The following CNTN5 variants were observed in gnomAD, a reference collection of about 807,000 sequenced individuals.
The protein encoded by CNTN5 is contactin 5, also known as contactin-5.
CNTN5 carries 77 observed loss-of-function variants against 129.1 expected under a neutral mutation model. That is an observed-to-expected ratio of 0.60 (90% CI 0.50 to 0.72). The LOEUF (loss-of-function observed/expected upper bound fraction) is 0.72. CNTN5 is among the 30% of genes least tolerant of loss of function. CNTN5 has a pLI of 0.00. For missense variants in CNTN5, 1,478 were observed against 1,328.8 expected (o/e 1.11, Z -1.75); for synonymous variants, 509 against 465.6 (o/e 1.09, Z -1.20).
At chr11:99,893,305 A>G (rs1047484825) in intron 6 of CNTN5, among the ~76,000 whole-genome samples, 2 of 152,210 alleles carry the variant, frequency 1.3e-5, no homozygotes, top group Admixed American at 6.6e-5. Context: ...CTTATTTGTC[A>G]TTACTATCAT....
intron 1 of CNTN5, among the ~76,000 whole-genome samples, chr11:99,317,619 A>C (rs890699075): frequency 6.6e-6 from 1 of 152,122 alleles, no homozygotes; most frequent in African/African-American, 2.4e-5. Flanking sequence ...CTAGAGAATC[A>C]AGGTCCTGAA....
At chr11:99,891,226 G>A (rs1354721067) in intron 6 of CNTN5, among the ~76,000 whole-genome samples, 1 of 151,752 alleles carries the variant, frequency 6.6e-6, no homozygotes, top group Admixed American at 6.6e-5. Context: ...TCTGGATGTG[G>A]GTATATGGGG....
chr11:99,896,064 A>G (rs1949197960), intron 6 of CNTN5, among the ~76,000 whole-genome samples: 1 of 152,144 alleles, frequency 6.6e-6, no homozygotes, highest in African/African-American at 2.4e-5. Context: ...TAACTCCCAG[A>G]GGTAGCTAAC....
intron 9 of CNTN5, among the ~76,000 whole-genome samples, chr11:100,019,728 T>C (rs1941027398): frequency 2.6e-5 from 4 of 152,030 alleles, no homozygotes; most frequent in Admixed American, 2.0e-4. Flanking sequence ...TTGGATCATA[T>C]AGTGGTTTTA....
intron 3 of CNTN5, among the ~76,000 whole-genome samples, chr11:99,642,816 C>A (rs1479627185): frequency 6.6e-6 from 1 of 152,148 alleles, no homozygotes; most frequent in Non-Finnish European, 1.5e-5. Flanking sequence ...GATCAACTTT[C>A]TAGATTCCAC....
At chr11:100,183,127 A>G (rs935783275) in intron 13 of CNTN5, among the ~76,000 whole-genome samples, 3 of 152,148 alleles carry the variant, frequency 2.0e-5, no homozygotes, top group African/African-American at 7.2e-5. Context: ...GTGCTGCAAG[A>G]GCTCTCATAC....
In CNTN5 at chr11:99,237,343, AT is replaced by A. The variant is rs1413007349; in HGVS notation, c.-209-88000del. Among the ~76,000 whole-genome samples the A allele has an allele frequency of 7.9e-5, 12 of 152,234 alleles. 1 individual carries two copies. The South Asian group carries it at 2.5e-3, about 32-fold the overall frequency. On this transcript the variant is annotated intron_variant, in intron 1 of 24. Transcript: ENST00000524871. ...GCAGAAAATAGAAGCTCTATCTCTA[AT>A]TTATTAGTTTTATTATCCATTCACC...
intron 7 of CNTN5, among the ~76,000 whole-genome samples, chr11:99,932,140 C>T (rs1226387502): frequency 6.7e-6 from 1 of 149,282 alleles, no homozygotes; most frequent in Admixed American, 6.6e-5. Flanking sequence ...TTTCCAGTGC[C>T]AGAAATGCTT....
At chr11:99,541,674 T>G (rs1403694686) in intron 2 of CNTN5, among the ~76,000 whole-genome samples, 1 of 152,054 alleles carries the variant, frequency 6.6e-6, no homozygotes, top group African/African-American at 2.4e-5. Context: ...CTCAGCCAGG[T>G]GCAGTGAATC....
At chr11:100,087,049 A>G (rs774456883) in intron 13 of CNTN5, among the ~76,000 whole-genome samples, 2 of 151,864 alleles carry the variant, frequency 1.3e-5, no homozygotes, top group East Asian at 3.9e-4. Context: ...TATAAGCACA[A>G]TTAGAAGATT....
In CNTN5 at chr11:99,330,209, G is replaced by A. The variant is rs536823238; in HGVS notation, c.-71+4725G>A. Among the ~76,000 whole-genome samples the A allele has an allele frequency of 2.7e-5, 4 of 150,674 alleles. No individual in the cohort carries two copies. In the East Asian group the frequency reaches 7.9e-4, roughly 30 times the overall value. On this transcript the variant is annotated intron_variant, in intron 2 of 24. Coordinates refer to ENST00000524871, the MANE Select transcript of CNTN5 (RefSeq NM_014361.4). ...GGGAGGCAAGGAGGAAGGGAGGAAG[G>A]AAAGGGAGAAGGAAGGGAAGGAAGG...
chr11:99,101,929 C>G (rs1866754765), intron 1 of CNTN5, among the ~76,000 whole-genome samples: 1 of 152,220 alleles, frequency 6.6e-6, no homozygotes, highest in Admixed American at 6.5e-5. Context: ...CTGCACTTCC[C>G]CAGCAGAGGT....
At chr11:99,682,345 G>A (rs768590834) in intron 3 of CNTN5, among the ~76,000 whole-genome samples, 2 of 151,718 alleles carry the variant, frequency 1.3e-5, no homozygotes, top group Non-Finnish European at 2.9e-5. Context: ...TAATTGTGGG[G>A]TACGTCATAG....
intron 15 of CNTN5, among the ~76,000 whole-genome samples, chr11:100,197,228 A>C (rs574088315): frequency 6.6e-6 from 1 of 151,976 alleles, no homozygotes; most frequent in African/African-American, 2.4e-5. Flanking sequence ...ATAGTAGACA[A>C]TAAGTCACTG....
chr11:99,307,447 C>T (rs957171611), intron 1 of CNTN5, among the ~76,000 whole-genome samples: 1 of 152,016 alleles, frequency 6.6e-6, no homozygotes, highest in Non-Finnish European at 1.5e-5. Context: ...GAAATCTATT[C>T]AAAAAATGCA....
chr11:99,222,222 T>A (rs1481666656), intron 1 of CNTN5, among the ~76,000 whole-genome samples: 1 of 151,898 alleles, frequency 6.6e-6, no homozygotes, highest in Non-Finnish European at 1.5e-5. Context: ...TTTATAGACA[T>A]ATAGATTATA....
At chr11:99,300,995 G>A (rs536405318) in intron 1 of CNTN5, among the ~76,000 whole-genome samples, 241 of 151,864 alleles carry the variant, frequency 1.6e-3, no homozygotes, top group Middle Eastern at 3.4e-3. Context: ...AGTACCTAAG[G>A]TATATTGGAG....
At chr11:99,157,189 A>G (rs946025496) in intron 1 of CNTN5, among the ~76,000 whole-genome samples, 15 of 152,072 alleles carry the variant, frequency 9.9e-5, no homozygotes, top group Admixed American at 5.2e-4. Flanking sequence ...TTTCTATTAT[A>G]AATTGGTGCA....
At chr11:99,333,405 T>G (rs1359680126) in intron 2 of CNTN5, among the ~76,000 whole-genome samples, 1 of 152,014 alleles carries the variant, frequency 6.6e-6, no homozygotes, top group African/African-American at 2.4e-5. Flanking sequence ...CTTTTTGCTT[T>G]ATAGAATGGG....
Sources: allele counts gnomAD v4.1 joint callset (sites outside exome capture counted in the v4.1 genomes callset), GRCh38; gene constraint gnomAD v4.1.1; transcripts MANE v1.5; gene names NCBI Gene and HGNC (gene_info 2026-07-23, HGNC 2026-07-21).